The following RUFY2 variants were observed in gnomAD, a reference collection of about 807,000 sequenced individuals.
RUFY2 encodes RUN and FYVE domain-containing protein 2.
RUFY2 carries 49 observed loss-of-function variants against 94.4 expected under a neutral mutation model. The observed-to-expected ratio is 0.52, with a 90% confidence interval of 0.41 to 0.66. The LOEUF is 0.66. RUFY2 is among the 30% of genes least tolerant of loss of function. The pLI, the probability that RUFY2 is intolerant of heterozygous loss-of-function variation, is 0.00. For synonymous variants in RUFY2, 255 were observed against 235.7 expected, an observed-to-expected ratio of 1.08 and a Z score of -0.75; for missense variants, 541 against 692.8, an observed-to-expected ratio of 0.78 and a Z score of 2.46.
chr10:68,368,917 A>T (rs1564805152), intron 13 of RUFY2, among the ~76,000 whole-genome samples: 1 of 152,186 alleles, frequency 6.6e-6, no homozygotes, highest in South Asian at 2.1e-4. Flanking sequence ...ACTCTGGACA[A>T]TAAATGCCCT....
At chr10:68,348,177 A>G (rs1250134975) in intron 16 of RUFY2, among the ~76,000 whole-genome samples, 1 of 151,228 alleles carries the variant, frequency 6.6e-6, no homozygotes, top group Non-Finnish European at 1.5e-5. Flanking sequence ...GATAGCTTGA[A>G]TCATAGAATT....
intron 13 of RUFY2, among the ~76,000 whole-genome samples, chr10:68,365,785 CAG>C (rs150001564): frequency 0.038 from 5,705 of 152,098 alleles, 155 homozygotes; most frequent in Middle Eastern, 0.078. Flanking sequence ...TTCACTCAGT[CAG>C]AGTTTCCAAG....
intron 15 of RUFY2, among the ~76,000 whole-genome samples, chr10:68,362,055 T>C (rs888308296): frequency 2.6e-5 from 4 of 152,190 alleles, no homozygotes; most frequent in Non-Finnish European, 4.4e-5. Context: ...CTGGGTGCAG[T>C]AGCTCACACC....
At chr10:68,341,997 T>C (rs2045994958), downstream of RUFY2, 1 of 1,614,024 alleles carries the variant, frequency 6.2e-7, no homozygotes, top group South Asian at 1.1e-5. Context: ...GTGGAGGCAG[T>C]GGAGGTTACT....
At chr10:68,375,914 G>A (rs1374058894) in intron 13 of RUFY2, among the ~76,000 whole-genome samples, 7 of 151,026 alleles carry the variant, frequency 4.6e-5, no homozygotes, top group Non-Finnish European at 1.0e-4. Flanking sequence ...CCTGGCCAAC[G>A]TCATGAAACT....
chr10:68,403,838 C>A (rs1359050607), intron 2 of RUFY2, among the ~76,000 whole-genome samples: 1 of 148,762 alleles, frequency 6.7e-6, no homozygotes, highest in East Asian at 2.0e-4. Flanking sequence ...GTTGTCCAGG[C>A]TGGAGTACAG....
intron 15 of RUFY2, among the ~76,000 whole-genome samples, chr10:68,358,453 A>G (rs2047206428): frequency 6.6e-6 from 1 of 152,204 alleles, no homozygotes; most frequent in African/African-American, 2.4e-5. Context: ...CACTGTAAAA[A>G]TACTGACATA....
At chr10:68,371,236 A>G (rs1051108447) in intron 13 of RUFY2, among the ~76,000 whole-genome samples, 1 of 151,734 alleles carries the variant, frequency 6.6e-6, no homozygotes, top group Non-Finnish European at 1.5e-5. Flanking sequence ...ACTGGCTAAG[A>G]TGGTGAAACC....
chr10:68,382,729 G>GA (rs1188415322), intron 10 of RUFY2, among the ~76,000 whole-genome samples: 11 of 120,508 alleles, frequency 9.1e-5, no homozygotes, highest in African/African-American at 1.5e-4. Flanking sequence ...AAAAAAAAAA[G>GA]AAAAAAAAAA....
chr10:68,374,766 T>C (rs953561428), intron 13 of RUFY2, among the ~76,000 whole-genome samples: 9 of 152,178 alleles, frequency 5.9e-5, no homozygotes, highest in African/African-American at 1.9e-4. Context: ...TTCTTTTTTC[T>C]TTGGTTGTTT....
chr10:68,393,067 G>A, intron 7 of RUFY2, 71 bp downstream of exon 7: 1 of 742,794 alleles, frequency 1.3e-6, no homozygotes, highest in South Asian at 2.1e-5. Context: ...AAGGAATACG[G>A]TAAGCTGAAG....
rs2050419395 is a variant in RUFY2, at chr10:68,396,705, C to T, written c.398+75G>A. 15 of 915,046 alleles carry T rather than the reference C, an allele frequency of 1.6e-5. 1 individual carries two copies. In the South Asian group the frequency reaches 2.1e-4, roughly 13 times the overall value. 56.7% of individuals were successfully genotyped at this position (915,046 alleles called of 1,614,324 possible). A position where few individuals can be genotyped will look rare whatever the true frequency, so the allele number is the denominator to read the frequency against. On this transcript the variant is annotated intron_variant, in intron 4 of 17. Transcript: ENST00000602465. ...ATATGTTATATATCCTTTCATATTA[C>T]ATCTTAAATCCTTTTTGGAAGACAG... is the stretch of plus-strand genomic sequence containing the variant.
intron 16 of RUFY2, 32 bp downstream of exon 16, chr10:68,355,320 TA>T (rs1173664007): frequency 6.5e-7 from 1 of 1,537,684 alleles, no homozygotes; most frequent in East Asian, 2.2e-5. Context: ...GACTTTCACA[TA>T]CCTTCCCACT....
chr10:68,405,429 T>C, intron 1 of RUFY2: 1 of 964,456 alleles, frequency 1.0e-6, no homozygotes, highest in Non-Finnish European at 1.2e-6. Flanking sequence ...TCTCCTGTAT[T>C]TAACTTTCCT....
intron 2 of RUFY2, among the ~76,000 whole-genome samples, chr10:68,403,148 T>C (rs1332429243): frequency 7.6e-6 from 1 of 132,174 alleles, no homozygotes; most frequent in East Asian, 2.0e-4. Context: ...ACCCAGCCAC[T>C]TTTTTTTTTA....
At chr10:68,393,978 C>A in intron 6 of RUFY2, 97 bp downstream of exon 6, 1 of 1,425,058 alleles carries the variant, frequency 7.0e-7, no homozygotes, top group Non-Finnish European at 9.2e-7. Flanking sequence ...GGGAAAACAA[C>A]AAAATAAAAC....
chr10:68,346,832 C>A (rs538167211), intron 16 of RUFY2: 3 of 152,148 alleles, frequency 2.0e-5, no homozygotes, highest in Non-Finnish European at 2.9e-5. Flanking sequence ...CCTTAAGACC[C>A]TAAAATTTGA....
chr10:68,375,024 C>T (rs1370696351), intron 13 of RUFY2, among the ~76,000 whole-genome samples: 3 of 151,894 alleles, frequency 2.0e-5, no homozygotes, highest in Non-Finnish European at 4.4e-5. Flanking sequence ...CTGCAACTTG[C>T]TTTTTTTCAG....
intron 16 of RUFY2, among the ~76,000 whole-genome samples, chr10:68,348,442 A>G (rs554144465): frequency 2.0e-5 from 3 of 151,438 alleles, no homozygotes; most frequent in South Asian, 2.1e-4. Context: ...GCTTAAACCC[A>G]TATGTTCAAG....
Sources: allele counts gnomAD v4.1 joint callset (sites outside exome capture counted in the v4.1 genomes callset), GRCh38; gene constraint gnomAD v4.1.1; transcripts MANE v1.5; gene names NCBI Gene and HGNC (gene_info 2026-07-23, HGNC 2026-07-21).